The following LCP1 variants were observed in gnomAD, a reference collection of about 807,000 sequenced individuals.
LCP1 encodes lymphocyte cytosolic protein 1, also known as plastin-2.
LCP1 carries 23 observed loss-of-function variants against 72.0 expected under a neutral mutation model. The observed-to-expected ratio is 0.32, with a 90% CI of 0.23 to 0.45. LCP1 has a LOEUF of 0.45. LCP1 is among the 20% of genes least tolerant of loss of function. LCP1 has a pLI of 1.00. For synonymous variants in LCP1, 245 were observed against 275.4 expected, an observed-to-expected ratio of 0.89 and a Z score of 1.09; for missense variants, 571 against 748.3, an observed-to-expected ratio of 0.76 and a Z score of 2.76.
intron 14 of LCP1, among the ~76,000 whole-genome samples, chr13:46,131,736 A>C (rs953223085): frequency 6.6e-6 from 1 of 152,180 alleles, no homozygotes; most frequent in African/African-American, 2.4e-5. Flanking sequence ...CCATTATCCT[A>C]AGTGAATTAA....
intron 1 of LCP1, among the ~76,000 whole-genome samples, chr13:46,174,899 T>C (rs1364832016): frequency 6.7e-6 from 1 of 149,226 alleles, no homozygotes; most frequent in East Asian, 2.0e-4. Flanking sequence ...TCAATAATCA[T>C]GGAAACACAA....
chr13:46,163,403 CA>C (rs2045857132), intron 1 of LCP1, among the ~76,000 whole-genome samples: 2 of 151,856 alleles, frequency 1.3e-5, no homozygotes, highest in Non-Finnish European at 2.9e-5. Flanking sequence ...AGGGCGGTGC[CA>C]GATGTGCTTT....
intron 1 of LCP1, among the ~76,000 whole-genome samples, chr13:46,167,736 G>A (rs1417512290): frequency 6.6e-6 from 1 of 152,138 alleles, no homozygotes. Flanking sequence ...GATATCAAAT[G>A]CCATTCATTC....
chr13:46,152,765 G>A lies in LCP1; in HGVS notation c.739+15C>T. On this transcript the variant is annotated intron_variant, in intron 7 of 15. Transcript: ENST00000323076. ...GAAAGCTGTGTCATAAATGACCTTTGGGACTTGCTCTTACCTTCATTTCTG... is the reference window on the plus strand; with the variant it reads ...GAAAGCTGTGTCATAAATGACCTTTAGGACTTGCTCTTACCTTCATTTCTG... 1.9e-6 allele frequency: 3 copies of A among 1,610,454 alleles called. No individual in the cohort carries two copies. Among genetic ancestry groups the A allele is most frequent in the African/African-American group, 1.3e-5 (1 of 74,876 alleles).
At chr13:46,170,365 C>T (rs575916497) in intron 1 of LCP1, among the ~76,000 whole-genome samples, 9 of 152,346 alleles carry the variant, frequency 5.9e-5, no homozygotes, top group African/African-American at 1.9e-4. Context: ...CCTTGCCAGC[C>T]GCAAAAGCGA....
In LCP1 at chr13:46,132,557, C is replaced by A. The variant is rs1443466174; in HGVS notation, c.1626+1570G>T. 2.0e-5 allele frequency among the ~76,000 whole-genome samples: 3 copies of A among 152,156 alleles called. No homozygotes were observed. The East Asian group carries it at 5.8e-4, about 29-fold the overall frequency. On this transcript the variant is annotated intron_variant, in intron 14 of 15. Transcript: ENST00000323076. Reference sequence around the variant, plus strand: ...ATGCCCTAAGACATGAACAAGGAGCCCCTGGTAGCCAGAGCCCATTCAATA... The same window carrying A: ...ATGCCCTAAGACATGAACAAGGAGCACCTGGTAGCCAGAGCCCATTCAATA...
chr13:46,139,015 TTAAC>T (rs1200683478), intron 13 of LCP1, among the ~76,000 whole-genome samples: 1 of 152,200 alleles, frequency 6.6e-6, no homozygotes, highest in Non-Finnish European at 1.5e-5. Context: ...ATGAGTCAGT[TTAAC>T]TGTTGCAACT....
rs56292312 is a variant in LCP1, at chr13:46,166,999, T to C, written c.-24-7313A>G. On this transcript the variant is annotated intron_variant, in intron 1 of 15. Coordinates refer to ENST00000323076, the MANE Select transcript of LCP1 (RefSeq NM_002298.5). ...AATGGCCTTAAAAACAGATGGCCAG[T>C]TAAAGGGACTCTGATGAATCTTTTT... is the stretch of plus-strand genomic sequence containing the variant. Among the ~76,000 whole-genome samples, 1,503 of 152,278 alleles carry C rather than the reference T, an allele frequency of 9.9e-3. 29 individuals carry two copies. Among genetic ancestry groups the C allele is most frequent in the African/African-American group, 0.033 (1,380 of 41,542 alleles).
intron 1 of LCP1, among the ~76,000 whole-genome samples, chr13:46,174,407 A>T (rs755842378): frequency 6.6e-6 from 1 of 152,208 alleles, no homozygotes; most frequent in Non-Finnish European, 1.5e-5. Flanking sequence ...GTGCCTAAAT[A>T]GCCTAATCTA....
intron 13 of LCP1, 87 bp from the exon 14 acceptor site, chr13:46,134,337 T>C: frequency 2.3e-6 from 3 of 1,286,410 alleles, no homozygotes; most frequent in East Asian, 2.4e-5. Flanking sequence ...AATTTTTTTT[T>C]CGGGTATGTC....
At chr13:46,153,041 G>A (rs1202445137) in intron 6 of LCP1, 96 bp from the exon 7 acceptor site, 39 of 1,225,400 alleles carry the variant, frequency 3.2e-5, no homozygotes, top group Admixed American at 2.4e-4. Context: ...TTCTGCGAAG[G>A]TCACAGGTTT....
At chr13:46,132,116 T>C (rs996910130) in intron 14 of LCP1, among the ~76,000 whole-genome samples, 1 of 152,158 alleles carries the variant, frequency 6.6e-6, no homozygotes, top group African/African-American at 2.4e-5. Context: ...CTCTTTTACT[T>C]AATCAATTCT....
At chr13:46,170,558 G>A (rs540232562) in intron 1 of LCP1, among the ~76,000 whole-genome samples, 2 of 152,294 alleles carry the variant, frequency 1.3e-5, no homozygotes, top group African/African-American at 4.8e-5. Flanking sequence ...CTGAATGAGG[G>A]GCAAACCCAC....
intron 14 of LCP1, among the ~76,000 whole-genome samples, chr13:46,132,258 A>G (rs942186515): frequency 6.6e-6 from 1 of 152,152 alleles, no homozygotes; most frequent in Non-Finnish European, 1.5e-5. Flanking sequence ...ACACCCCAGA[A>G]GCCACAGCCT....
intron 1 of LCP1, among the ~76,000 whole-genome samples, chr13:46,175,871 T>C (rs2045926891): frequency 6.6e-6 from 1 of 152,176 alleles, no homozygotes; most frequent in Admixed American, 6.5e-5. Flanking sequence ...ACAGGCATGA[T>C]CTTCTCTTTT....
chr13:46,141,481 T>A (rs7317686), intron 13 of LCP1, among the ~76,000 whole-genome samples: 51,403 of 144,886 alleles, frequency 0.35, 9,657 homozygotes, highest in African/African-American at 0.51. Flanking sequence ...TAAAGAGAAA[T>A]CTTAAAATAA....
chr13:46,156,907 T>C (rs1055626544), intron 4 of LCP1, among the ~76,000 whole-genome samples: 4 of 151,416 alleles, frequency 2.6e-5, no homozygotes, highest in Non-Finnish European at 2.9e-5. Context: ...CTGCAAGCTC[T>C]GCCTCCTGGT....
intron 15 of LCP1, among the ~76,000 whole-genome samples, chr13:46,128,003 GTTTTTTT>G (rs11398954): frequency 7.9e-6 from 1 of 126,956 alleles, no homozygotes; most frequent in Non-Finnish European, 1.7e-5. Flanking sequence ...TTTAAGTTAA[GTTTTTTT>G]TTTTTTTTTT....
Position 46,127,459 on chromosome 13 carries a change from C to T in LCP1, c.*132G>A. 1 of 1,182,728 alleles carries T rather than the reference C, an allele frequency of 8.5e-7. No homozygotes were observed. Among genetic ancestry groups the T allele is most frequent in the Non-Finnish European group, 1.2e-6 (1 of 845,482 alleles). 73.3% of individuals were successfully genotyped at this position (1,182,728 alleles called of 1,614,324 possible). On this transcript the variant is annotated 3_prime_UTR_variant, in exon 16 of 16. Transcript: ENST00000323076. Reference sequence around the variant, plus strand: ...ATACAGGAGAGGCTACTTGGCTGCACTAATATGTGCTTTTTGGAATCTTAT... The same window carrying T: ...ATACAGGAGAGGCTACTTGGCTGCATTAATATGTGCTTTTTGGAATCTTAT...
Sources: gnomAD v4.1 joint callset for allele counts (sites outside exome capture counted in the v4.1 genomes callset) on GRCh38, gnomAD v4.1.1 for gene constraint, MANE v1.5 for transcripts, NCBI Gene and HGNC (gene_info 2026-07-23, HGNC 2026-07-21) for gene names.